Variants in BMPER observed in about 807,000 individuals in gnomAD.
BMPER encodes the protein BMP binding endothelial regulator.
A neutral mutation model predicts 87.3 loss-of-function variants in BMPER; 45 were observed. The observed-to-expected ratio is 0.52, with a 90% CI of 0.41 to 0.66. The LOEUF (loss-of-function observed/expected upper bound fraction) is 0.66, where lower values mean the gene tolerates loss of function less well. Among genes scored for constraint, BMPER ranks in the 30% least tolerant of loss-of-function variants. The pLI is 0.00. For synonymous variants in BMPER, 326 were observed against 316.2 expected (o/e 1.03, Z -0.33); for missense variants, 784 against 867.5 (o/e 0.90, Z 1.21).
intron 11 of BMPER, among the ~76,000 whole-genome samples, chr7:34,077,635 G>C (rs1788899239): frequency 6.6e-6 from 1 of 152,178 alleles, no homozygotes; most frequent in Non-Finnish European, 1.5e-5. Context: ...TTTGTATGGA[G>C]TCATATGAAA....
In BMPER at chr7:33,920,006, A is replaced by G. The variant is rs376488764; in HGVS notation, c.219+13103A>G. Among the ~76,000 whole-genome samples, 6 of 152,210 alleles carry G rather than the reference A, an allele frequency of 3.9e-5. No individual in the cohort carries two copies. The East Asian group carries it at 1.2e-3, about 29-fold the overall frequency. ...GGTTTTAGTTTGGAAACTACCCTCT[A>G]TCATTAGAATCTTAGATGAAAGTGT... On this transcript the variant is annotated intron_variant, in intron 2 of 14. Transcript: ENST00000649409.
chr7:34,109,420 A>G (rs546772312), intron 13 of BMPER, among the ~76,000 whole-genome samples: 1 of 152,318 alleles, frequency 6.6e-6, no homozygotes, highest in South Asian at 2.1e-4. Flanking sequence ...AACCTCAGAT[A>G]AACACCCAGA....
chr7:34,025,955 G>A (rs1008084707), intron 6 of BMPER, among the ~76,000 whole-genome samples: 9 of 152,054 alleles, frequency 5.9e-5, no homozygotes, highest in African/African-American at 1.9e-4. Flanking sequence ...TCAGGGTAAT[G>A]AGTTGGTCTG....
chr7:34,056,536 G>T (rs1788289044), intron 9 of BMPER, among the ~76,000 whole-genome samples: 1 of 151,818 alleles, frequency 6.6e-6, no homozygotes, highest in African/African-American at 2.4e-5. Context: ...TTGATATAAA[G>T]TCGCCTCCTC....
At chr7:34,064,346 C>T (rs374926223) in intron 11 of BMPER, among the ~76,000 whole-genome samples, 37 of 151,776 alleles carry the variant, frequency 2.4e-4, no homozygotes, top group African/African-American at 8.7e-4. Context: ...AATTATCTGA[C>T]TTTATTTTGC....
chr7:34,143,439 C>T (rs1790929765), intron 14 of BMPER, 79 bp downstream of exon 14: 9 of 1,587,214 alleles, frequency 5.7e-6, no homozygotes, highest in African/African-American at 1.3e-5. Context: ...CTTGTGGATG[C>T]TGACATGAGT....
chr7:34,006,101 A>G (rs1786726436), intron 6 of BMPER, among the ~76,000 whole-genome samples: 1 of 152,096 alleles, frequency 6.6e-6, no homozygotes, highest in Non-Finnish European at 1.5e-5. Flanking sequence ...CTTTACTGTT[A>G]TGAATTAGAA....
chr7:33,941,860 C>T lies in BMPER; in HGVS notation c.319+4472C>T, dbSNP rs536785385. The stretch of plus-strand genomic sequence containing the variant: ...GGGGTTGGGGACCCTTGACTTAACA[C>T]ATTGTAACAGGAGCACTGATAGACT... On this transcript the variant is annotated intron_variant, in intron 3 of 14. Coordinates refer to ENST00000649409, the MANE Select transcript of BMPER (RefSeq NM_001365308.1). Among the ~76,000 whole-genome samples the T allele has an allele frequency of 8.0e-4, 122 of 152,272 alleles. 3 individuals are homozygous for T. The Middle Eastern group carries it at 0.01, about 13-fold the overall frequency.
At chr7:34,019,526 G>A (rs944262628) in intron 6 of BMPER, among the ~76,000 whole-genome samples, 7 of 152,040 alleles carry the variant, frequency 4.6e-5, no homozygotes, top group Admixed American at 4.6e-4. Flanking sequence ...TTCATGGCAA[G>A]CTGCCTGATG....
intron 13 of BMPER, among the ~76,000 whole-genome samples, chr7:34,125,363 A>G (rs1387886490): frequency 1.3e-5 from 2 of 152,106 alleles, no homozygotes; most frequent in East Asian, 3.8e-4. Context: ...TTTCTCAAAT[A>G]TGCCCTCCCC....
intron 6 of BMPER, among the ~76,000 whole-genome samples, chr7:34,008,971 A>T (rs1786809010): frequency 6.6e-6 from 1 of 151,916 alleles, no homozygotes; most frequent in East Asian, 1.9e-4. Context: ...CCTCCTGAGT[A>T]GACACTGTGC....
intron 3 of BMPER, among the ~76,000 whole-genome samples, chr7:33,948,336 T>C (rs1412829285): frequency 6.6e-6 from 1 of 152,228 alleles, no homozygotes; most frequent in Non-Finnish European, 1.5e-5. Context: ...CTTTCAGAGA[T>C]AGAGTTGTGT....
chr7:34,099,105 G>T (rs1946146), intron 13 of BMPER, among the ~76,000 whole-genome samples: 30,164 of 152,116 alleles, frequency 0.2, 3,449 homozygotes, highest in Middle Eastern at 0.27. Context: ...ACTTTTGAGT[G>T]CTCACTATGT....
At chr7:34,050,792 T>G (rs1788128070) in intron 7 of BMPER, among the ~76,000 whole-genome samples, 1 of 152,250 alleles carries the variant, frequency 6.6e-6, no homozygotes, top group African/African-American at 2.4e-5. Flanking sequence ...TTGGGATTGC[T>G]GTTTTGGTCC....
chr7:34,146,606 T>C (rs146034027), intron 14 of BMPER, among the ~76,000 whole-genome samples: 3 of 152,328 alleles, frequency 2.0e-5, no homozygotes, highest in African/African-American at 7.2e-5. Flanking sequence ...ATAATGCCCA[T>C]AATACTTTAT....
rs1290759055 is a variant in BMPER, at chr7:34,156,354, T to C, written c.*3081T>C. 2.6e-5 allele frequency among the ~76,000 whole-genome samples: 4 copies of C among 152,200 alleles called. No individual in the cohort carries two copies. Among genetic ancestry groups the C allele is most frequent in the Non-Finnish European group, 5.9e-5 (4 of 68,030 alleles). ...ACTACATTACCCTAATTAAGAAACATAACCTGGTAAGTAGTCAATAAATTT... is the reference window on the plus strand; with the variant it reads ...ACTACATTACCCTAATTAAGAAACACAACCTGGTAAGTAGTCAATAAATTT... On this transcript the variant is annotated 3_prime_UTR_variant, in exon 15 of 15. Coordinates refer to ENST00000649409, the MANE Select transcript of BMPER (RefSeq NM_001365308.1).
intron 13 of BMPER, among the ~76,000 whole-genome samples, chr7:34,116,051 T>C (rs766262173): frequency 5.9e-5 from 9 of 152,236 alleles, no homozygotes; most frequent in Non-Finnish European, 1.0e-4. Context: ...TGCATTTTCT[T>C]GATGACCAAT....
chr7:34,016,237 T>C (rs1787023763), intron 6 of BMPER, among the ~76,000 whole-genome samples: 1 of 151,960 alleles, frequency 6.6e-6, no homozygotes, highest in Non-Finnish European at 1.5e-5. Flanking sequence ...ACAGCACAGC[T>C]GCACAGCTCA....
chr7:34,090,644 T>A (rs955890817), intron 13 of BMPER, among the ~76,000 whole-genome samples: 1 of 152,200 alleles, frequency 6.6e-6, no homozygotes, highest in Non-Finnish European at 1.5e-5. Flanking sequence ...CTTGTGCCTA[T>A]GAAATACCAG....
Sources: allele counts gnomAD v4.1 joint callset (sites outside exome capture counted in the v4.1 genomes callset), GRCh38; gene constraint gnomAD v4.1.1; transcripts MANE v1.5; gene names NCBI Gene and HGNC (gene_info 2026-07-23, HGNC 2026-07-21).